Variants in MAD1L1 observed in about 807,000 individuals in gnomAD.
The protein encoded by MAD1L1 is mitotic arrest deficient 1 like 1.
Under a neutral mutation model 96.9 loss-of-function variants are expected in MAD1L1, and 95 were observed. The ratio of observed to expected loss-of-function variants is 0.98; its 90% confidence interval spans 0.83 to 1.16. The LOEUF (loss-of-function observed/expected upper bound fraction) is 1.16, where lower values mean the gene tolerates loss of function less well. Among genes scored for constraint, MAD1L1 ranks in the 50% most tolerant of loss-of-function variants. The pLI, the probability that MAD1L1 is intolerant of heterozygous loss-of-function variation, is 0.00. For missense variants in MAD1L1, 1,007 were observed against 954.4 expected, an observed-to-expected ratio of 1.06 and a Z score of -0.73; for synonymous variants, 473 against 396.6, an observed-to-expected ratio of 1.19 and a Z score of -2.29.
intron 13 of MAD1L1, among the ~76,000 whole-genome samples, chr7:2,013,640 C>A (rs543694864): frequency 1.3e-5 from 2 of 152,256 alleles, no homozygotes; most frequent in East Asian, 1.9e-4. Context: ...CGTGTGCCAG[C>A]GAGGCCAGAA....
chr7:2,159,766 C>T (rs1397397638), intron 10 of MAD1L1, among the ~76,000 whole-genome samples: 1 of 152,198 alleles, frequency 6.6e-6, no homozygotes, highest in Non-Finnish European at 1.5e-5. Context: ...TCTATCCATA[C>T]AATGGAACTT....
intron 18 of MAD1L1, among the ~76,000 whole-genome samples, chr7:1,827,578 T>G (rs573975368): frequency 0.035 from 2,630 of 74,582 alleles, 127 homozygotes; most frequent in East Asian, 0.045. Flanking sequence ...GGGTGTGGCA[T>G]CCTCCCCTCC....
At chr7:2,105,046 C>T (rs1039986161) in intron 11 of MAD1L1, among the ~76,000 whole-genome samples, 1 of 152,194 alleles carries the variant, frequency 6.6e-6, no homozygotes, top group Non-Finnish European at 1.5e-5. Context: ...AGTCAGAGCC[C>T]GGCTTCCCCA....
At chr7:2,086,763 C>A (rs1232828048) in intron 11 of MAD1L1, among the ~76,000 whole-genome samples, 1 of 152,138 alleles carries the variant, frequency 6.6e-6, no homozygotes, top group Admixed American at 6.5e-5. Context: ...CTGTGTTGGC[C>A]AGGCTGGTCT....
chr7:2,195,742 T>G (rs976934048), intron 10 of MAD1L1, among the ~76,000 whole-genome samples: 3 of 152,246 alleles, frequency 2.0e-5, no homozygotes, highest in Non-Finnish European at 4.4e-5. Flanking sequence ...TACTCTACCT[T>G]GCAGAGAGCC....
At chr7:2,180,325 C>T (rs1791143006) in intron 10 of MAD1L1, among the ~76,000 whole-genome samples, 3 of 152,320 alleles carry the variant, frequency 2.0e-5, no homozygotes, top group South Asian at 2.1e-4. Flanking sequence ...CAGCGTGCAC[C>T]GGAGCTCCTC....
rs760742919 is a variant in MAD1L1 at position 2,142,299 on chromosome 7, C to A, written c.1073+6853G>T. Among the ~76,000 whole-genome samples the A allele has an allele frequency of 1.3e-5, 2 of 152,236 alleles. No homozygotes were observed. Among genetic ancestry groups the A allele is most frequent in the Non-Finnish European group, 2.9e-5 (2 of 68,048 alleles). On this transcript the variant is annotated intron_variant, in intron 11 of 18. Transcript: ENST00000265854. This position sits in a 1 kb window ranked among gnomAD's most constrained non-coding sequence, Gnocchi z 4.7. ...ACAGGAAAGCAGATGCCATCAAGGG[C>A]CCCGTTCTAGAGACAGACAAGGAGC... is the stretch of plus-strand genomic sequence containing the variant.
Position 2,204,787 on chromosome 7 carries a change from G to A in MAD1L1, c.986+8425C>T, listed in dbSNP as rs572858715. Reference sequence around the variant, plus strand: ...TTCATGAGACCACATTTTCTCTTGGGTTTCTCTTAGATTAAATACCGAGGA... The same window carrying A: ...TTCATGAGACCACATTTTCTCTTGGATTTCTCTTAGATTAAATACCGAGGA... On this transcript the variant is annotated intron_variant, in intron 10 of 18. Transcript: ENST00000265854. 2.0e-5 allele frequency among the ~76,000 whole-genome samples: 3 copies of A among 152,274 alleles called. No homozygotes were observed. The South Asian group carries it at 6.2e-4, about 32-fold the overall frequency.
At chr7:2,047,661 C>T (rs185450776) in intron 12 of MAD1L1, among the ~76,000 whole-genome samples, 2 of 152,356 alleles carry the variant, frequency 1.3e-5, no homozygotes, top group Admixed American at 1.3e-4. Flanking sequence ...ATGGTAAGCA[C>T]AGATGCACAC....
intron 11 of MAD1L1, among the ~76,000 whole-genome samples, chr7:2,110,470 T>C (rs1787323697): frequency 6.6e-6 from 1 of 152,226 alleles, no homozygotes; most frequent in African/African-American, 2.4e-5. Flanking sequence ...CATCTACTTC[T>C]ATTAATACAG....
chr7:2,087,857 G>A (rs751305206), intron 11 of MAD1L1, among the ~76,000 whole-genome samples: 25 of 152,244 alleles, frequency 1.6e-4, no homozygotes, highest in Non-Finnish European at 3.2e-4. Flanking sequence ...CACCGTAGGC[G>A]CCCCTTAGCA....
At chr7:2,061,692 A>G (rs1243006704) in intron 12 of MAD1L1, among the ~76,000 whole-genome samples, 1 of 152,260 alleles carries the variant, frequency 6.6e-6, no homozygotes, top group Non-Finnish European at 1.5e-5. Context: ...GGGATCACCA[A>G]ACGTCATACA....
At chr7:2,154,225 T>G (rs906137282) in intron 10 of MAD1L1, among the ~76,000 whole-genome samples, 2 of 152,120 alleles carry the variant, frequency 1.3e-5, no homozygotes, top group African/African-American at 4.8e-5. Context: ...CCGTGTCAGG[T>G]GAAACCACCA....
chr7:1,929,496 T>A (rs1789304352), intron 17 of MAD1L1, among the ~76,000 whole-genome samples: 2 of 152,112 alleles, frequency 1.3e-5, no homozygotes, highest in African/African-American at 4.8e-5. Flanking sequence ...GCAAGGGTTG[T>A]TTAGTGACTG....
chr7:2,191,662 C>A (rs765178914), intron 10 of MAD1L1, among the ~76,000 whole-genome samples: 4 of 152,044 alleles, frequency 2.6e-5, no homozygotes, highest in Non-Finnish European at 4.4e-5. Context: ...GCCCAGGAGG[C>A]AGAGACTGCA....
intron 17 of MAD1L1, among the ~76,000 whole-genome samples, chr7:1,932,516 C>A (rs1472398645): frequency 6.6e-6 from 1 of 152,240 alleles, no homozygotes; most frequent in Admixed American, 6.5e-5. Context: ...GCTATGAGAT[C>A]CCGAGATGCA....
chr7:2,223,086 G>A (rs1460386586), intron 4 of MAD1L1, among the ~76,000 whole-genome samples: 1 of 152,208 alleles, frequency 6.6e-6, no homozygotes, highest in Non-Finnish European at 1.5e-5. Context: ...ATTCAGCATT[G>A]ACCTTGGGGA....
At chr7:2,071,424 G>A (rs1466290147) in intron 11 of MAD1L1, among the ~76,000 whole-genome samples, 3 of 152,332 alleles carry the variant, frequency 2.0e-5, no homozygotes, top group South Asian at 2.1e-4. Context: ...CATTTCAGCC[G>A]CGTGTGATCT....
At chr7:1,912,124 G>A (rs1339079454) in intron 17 of MAD1L1, among the ~76,000 whole-genome samples, 1 of 152,224 alleles carries the variant, frequency 6.6e-6, no homozygotes, top group Non-Finnish European at 1.5e-5. Context: ...CCTGAAGTGG[G>A]GGAAACTGGG....
Sources: gnomAD v4.1 joint callset for allele counts (sites outside exome capture counted in the v4.1 genomes callset) on GRCh38, gnomAD v4.1.1 for gene constraint, Gnocchi (gnomAD v3.1) non-coding constraint, MANE v1.5 for transcripts, NCBI Gene and HGNC (gene_info 2026-07-23, HGNC 2026-07-21) for gene names.